BDH2: variants seen among roughly 807,000 people sequenced by gnomAD.
The protein encoded by BDH2 is dehydrogenase/reductase SDR family member 6.
BDH2 carries 24 observed loss-of-function variants against 33.2 expected under a neutral mutation model. The ratio of observed to expected loss-of-function variants is 0.72; its 90% confidence interval spans 0.52 to 1.02. The LOEUF (loss-of-function observed/expected upper bound fraction) is 1.02, where lower values mean the gene tolerates loss of function less well. Ranked by LOEUF, BDH2 falls within the 50% of genes least tolerant of loss-of-function variation. The pLI is 0.00. For synonymous variants in BDH2, 81 were observed against 101.6 expected, an observed-to-expected ratio of 0.80 and a Z score of 1.22; for missense variants, 249 against 301.6, an observed-to-expected ratio of 0.83 and a Z score of 1.29.
intron 6 of BDH2, chr4:103,085,676 C>T (rs1199087041): frequency 1.3e-6 from 2 of 1,483,142 alleles, no homozygotes; most frequent in South Asian, 1.2e-5. Context: ...TTAATTGAGA[C>T]TTAATTGAAA....
chr4:103,085,517 C>A, intron 6 of BDH2, 55 bp from the exon 7 acceptor site: 1 of 1,505,712 alleles, frequency 6.6e-7, no homozygotes, highest in Non-Finnish European at 9.1e-7. Flanking sequence ...TATTTTCCTT[C>A]AGAAAGGTAA....
intron 7 of BDH2, 132 bp from the exon 8 acceptor site, chr4:103,083,061 C>G: frequency 1.3e-6 from 1 of 750,924 alleles, no homozygotes; most frequent in Non-Finnish European, 2.3e-6. Context: ...TTACAGCTGC[C>G]TGCCTGAGGC....
In BDH2 at chr4:103,078,713, A is replaced by C. The variant is rs1461338042; in HGVS notation, c.*989T>G. On this transcript the variant is annotated 3_prime_UTR_variant, in exon 10 of 10. Coordinates refer to ENST00000296424, the MANE Select transcript of BDH2 (RefSeq NM_020139.4). ...TAAAATTAGGATCTACATACAGAAC[A>C]ATGCAGAATTATATAAAAATATTTG... Among the ~76,000 whole-genome samples, 2 of 152,226 alleles carry C rather than the reference A, an allele frequency of 1.3e-5. No individual in the cohort carries two copies. Among genetic ancestry groups the C allele is most frequent in the Non-Finnish European group, 2.9e-5 (2 of 68,040 alleles).
intron 6 of BDH2, 200 bp from the exon 7 acceptor site, chr4:103,085,662 C>A (rs1747745581): frequency 1.3e-6 from 2 of 1,497,522 alleles, no homozygotes; most frequent in Non-Finnish European, 1.8e-6. Context: ...AGTATAGGCA[C>A]AACTTAATTG....
intron 8 of BDH2, 110 bp downstream of exon 8, chr4:103,082,761 C>G (rs1044383055): frequency 1.1e-6 from 1 of 947,350 alleles, no homozygotes; most frequent in African/African-American, 1.6e-5. Context: ...CCTTCCAAGC[C>G]CCTGGCAACT....
chr4:103,091,430 G>C, intron 4 of BDH2, 145 bp from the exon 5 acceptor site: 1 of 582,128 alleles, frequency 1.7e-6, no homozygotes, highest in South Asian at 2.2e-5. Context: ...GTATCACTTA[G>C]TATATTATAT....
At chr4:103,092,902 C>T (rs1180562184) in intron 3 of BDH2, among the ~76,000 whole-genome samples, 1 of 152,144 alleles carries the variant, frequency 6.6e-6, no homozygotes, top group East Asian at 1.9e-4. Context: ...CCATCCGTCC[C>T]TCTTCCTTCC....
chr4:103,083,205 C>T (rs3775972), intron 7 of BDH2, among the ~76,000 whole-genome samples: 26,840 of 152,224 alleles, frequency 0.18, 2,541 homozygotes, highest in Middle Eastern at 0.31. Context: ...ATATTTTAGT[C>T]ACATTGCATT....
rs557465388 is a variant in BDH2, at chr4:103,086,446, G to A, written c.418+34C>T. The stretch of plus-strand genomic sequence containing the variant: ...AGAGCTCTTAATGATGTGCGTGTAT[G>A]AGCATCGCAGTCCTCGGAAGGAGAC... On this transcript the variant is annotated intron_variant, in intron 6 of 9. Transcript: ENST00000296424. The A allele has an allele frequency of 1.8e-5, 29 of 1,605,602 alleles. No homozygotes were observed. The South Asian group carries it at 2.6e-4, about 14-fold the overall frequency.
At chr4:103,095,141 C>T (rs902258799) in intron 3 of BDH2, 62 bp downstream of exon 3, 43 of 1,333,726 alleles carry the variant, frequency 3.2e-5, no homozygotes, top group South Asian at 1.2e-4. Context: ...AACATGTGAG[C>T]GCCATGCTTT....
chr4:103,092,786 A>C, intron 3 of BDH2, 90 bp from the exon 4 acceptor site: 1 of 894,660 alleles, frequency 1.1e-6, no homozygotes, highest in Non-Finnish European at 1.8e-6. Flanking sequence ...AGATTGCAAC[A>C]TCTATCCAGC....
chr4:103,095,893 T>C (rs985812053), intron 2 of BDH2, among the ~76,000 whole-genome samples: 1 of 152,196 alleles, frequency 6.6e-6, no homozygotes, highest in Non-Finnish European at 1.5e-5. Context: ...TTGCCCTCTG[T>C]AGCGAATATA....
intron 5 of BDH2, among the ~76,000 whole-genome samples, chr4:103,087,474 G>C (rs12500951): frequency 0.13 from 19,791 of 152,194 alleles, 1,509 homozygotes; most frequent in South Asian, 0.27. Flanking sequence ...AGGAGGAGAG[G>C]GCTGAGGCAG....
In BDH2 at chr4:103,096,285, G is replaced by A. The variant is rs768510927; in HGVS notation, c.-20-11C>T. On this transcript the variant is annotated splice_polypyrimidine_tract_variant and intron_variant, in intron 1 of 9. Coordinates refer to ENST00000296424, the MANE Select transcript of BDH2 (RefSeq NM_020139.4). ...AACCTGTGGTTTAATCTAAAGACAT[G>A]TGTGTTTAATGGGTTATACTGTAGA... The A allele has an allele frequency of 5.3e-5, 83 of 1,560,384 alleles. No individual in the cohort carries two copies. The highest frequency in any genetic ancestry group is 1.7e-4 in the Admixed American group (10 of 59,800).
At chr4:103,091,088 C>T in intron 5 of BDH2, 89 bp downstream of exon 5, 2 of 726,938 alleles carry the variant, frequency 2.8e-6, no homozygotes, top group Non-Finnish European at 4.8e-6. Flanking sequence ...GTTATTATCA[C>T]TCTTCAGCAC....
intron 1 of BDH2, among the ~76,000 whole-genome samples, chr4:103,096,551 T>G (rs1748416973): frequency 6.6e-6 from 1 of 150,790 alleles, no homozygotes; most frequent in Non-Finnish European, 1.5e-5. Context: ...TTTTTTTTTT[T>G]TTTTATGAGA....
chr4:103,079,803 C>T (rs1461636210), intron 9 of BDH2, 48 bp from the exon 10 acceptor site: 1 of 1,570,340 alleles, frequency 6.4e-7, no homozygotes, highest in South Asian at 1.1e-5. Context: ...AGGTTTGATA[C>T]AGGCTGTATT....
chr4:103,082,279 C>T, intron 8 of BDH2, 106 bp from the exon 9 acceptor site: 1 of 918,966 alleles, frequency 1.1e-6, no homozygotes, highest in Non-Finnish European at 1.7e-6. Context: ...GGCTTGCTGC[C>T]TTGATGAATA....
intron 4 of BDH2, chr4:103,091,502 A>T (rs1748087377): frequency 2.2e-6 from 1 of 462,042 alleles, no homozygotes; most frequent in African/African-American, 2.0e-5. Context: ...CTTGTTTTCC[A>T]AACAAAAGTA....
Sources: gnomAD v4.1 joint callset for allele counts (sites outside exome capture counted in the v4.1 genomes callset) on GRCh38, gnomAD v4.1.1 for gene constraint, MANE v1.5 for transcripts, NCBI Gene and HGNC (gene_info 2026-07-23, HGNC 2026-07-21) for gene names.